CORIN: variants seen among roughly 807,000 people sequenced by gnomAD.
CORIN encodes atrial natriuretic peptide-converting enzyme.
CORIN carries 117 observed loss-of-function variants against 125.3 expected under a neutral mutation model. That is an observed-to-expected ratio of 0.93 (90% CI 0.80 to 1.09). CORIN has a LOEUF of 1.09. Among genes scored for constraint, CORIN ranks in the 50% least tolerant of loss-of-function variants. The pLI is 0.00. For synonymous variants in CORIN, 450 were observed against 466.4 expected, an observed-to-expected ratio of 0.96 and a Z score of 0.45; for missense variants, 1,253 against 1,306.7, an observed-to-expected ratio of 0.96 and a Z score of 0.63.
intron 4 of CORIN, among the ~76,000 whole-genome samples, chr4:47,747,340 A>T (rs549353649): frequency 6.6e-6 from 1 of 152,168 alleles, no homozygotes; most frequent in Non-Finnish European, 1.5e-5. Context: ...GGGGCAATGG[A>T]ATCTCTAACT....
At chr4:47,776,432 T>C (rs1182333912) in intron 3 of CORIN, among the ~76,000 whole-genome samples, 2 of 152,150 alleles carry the variant, frequency 1.3e-5, no homozygotes, top group Non-Finnish European at 2.9e-5. Flanking sequence ...AGGTCTCCAT[T>C]TCTTTCCCAC....
At position 47,821,548 on chromosome 4, in the gene CORIN, T is replaced by C. The variant is rs181429472; in HGVS notation, c.64-14501A>G. On this transcript the variant is annotated intron_variant, in intron 1 of 21. Coordinates refer to ENST00000273857, the MANE Select transcript of CORIN (RefSeq NM_006587.4). ...TCGGAGTTCAAGGTATTAAGAATTA[T>C]GTAACATTTTCTAAAATTATAAGAA... Among the ~76,000 whole-genome samples, 909 of 152,152 alleles carry C rather than the reference T, an allele frequency of 6.0e-3. 6 individuals are homozygous for C. Among genetic ancestry groups the C allele is most frequent in the African/African-American group, 0.02 (830 of 41,558 alleles).
In CORIN at chr4:47,683,730, C is replaced by G; in HGVS notation, c.1021+1G>C. The G allele has an allele frequency of 6.2e-7, 1 of 1,604,162 alleles. No individual in the cohort carries two copies. The stretch of plus-strand genomic sequence containing the variant: ...ACCTTTGGGGAAACAATGCTACTTA[C>G]CACAGTTTTGCTCATCACTCAAATC... On this transcript the variant is annotated splice_donor_variant, in intron 7 of 21. Coordinates refer to ENST00000273857, the MANE Select transcript of CORIN (RefSeq NM_006587.4). LOFTEE classifies it high-confidence loss of function.
chr4:47,776,304 G>A (rs1730296009), intron 3 of CORIN, among the ~76,000 whole-genome samples: 1 of 151,298 alleles, frequency 6.6e-6, no homozygotes, highest in South Asian at 2.1e-4. Context: ...GGGTTTTTTT[G>A]AGTCAAGGTC....
At chr4:47,665,002 A>T in intron 11 of CORIN, 30 bp downstream of exon 11, 1 of 1,495,254 alleles carries the variant, frequency 6.7e-7, no homozygotes, top group Non-Finnish European at 9.3e-7. Flanking sequence ...GAGGCAAAAT[A>T]AGGGACTGGG....
chr4:47,763,667 A>G, intron 3 of CORIN, 81 bp from the exon 4 acceptor site: 1 of 1,280,176 alleles, frequency 7.8e-7, no homozygotes, highest in South Asian at 1.3e-5. Flanking sequence ...TTTGTTTATA[A>G]GATAAAGTAT....
At chr4:47,705,548 G>T (rs1368550374) in intron 5 of CORIN, among the ~76,000 whole-genome samples, 1 of 152,178 alleles carries the variant, frequency 6.6e-6, no homozygotes, top group Non-Finnish European at 1.5e-5. Context: ...CCACAAGATA[G>T]AGAAACTAGG....
intron 9 of CORIN, among the ~76,000 whole-genome samples, 179 bp downstream of exon 9, chr4:47,677,759 A>G (rs565945154): frequency 1.3e-5 from 2 of 152,282 alleles, no homozygotes; most frequent in East Asian, 3.9e-4. Flanking sequence ...GTTGCTTGAG[A>G]ATTATGTTTA....
At chr4:47,701,571 G>C (rs1434132519) in intron 5 of CORIN, among the ~76,000 whole-genome samples, 1 of 152,118 alleles carries the variant, frequency 6.6e-6, no homozygotes, top group Non-Finnish European at 1.5e-5. Context: ...ACTTTGATAG[G>C]AGAGAGAATG....
chr4:47,620,607 G>A (rs965928303), intron 19 of CORIN, among the ~76,000 whole-genome samples: 1 of 152,194 alleles, frequency 6.6e-6, no homozygotes, highest in Non-Finnish European at 1.5e-5. Context: ...GTAAATGAGT[G>A]TGGGAGAATA....
intron 6 of CORIN, among the ~76,000 whole-genome samples, chr4:47,686,482 TC>T (rs1725522694): frequency 6.6e-6 from 1 of 152,082 alleles, no homozygotes; most frequent in African/African-American, 2.4e-5. Flanking sequence ...GGGCGCTATT[TC>T]CCCACCCTGC....
At chr4:47,609,126 C>T (rs1721771435) in intron 19 of CORIN, among the ~76,000 whole-genome samples, 1 of 152,108 alleles carries the variant, frequency 6.6e-6, no homozygotes. Flanking sequence ...CTGAAGGTTA[C>T]CAAATCTGCA....
rs1012987546 is a variant in CORIN at position 47,624,037 on chromosome 4, C to G, written c.2316-89G>C. The stretch of plus-strand genomic sequence containing the variant: ...TTTACCAGTGAAATACAAGACAGCT[C>G]CAACTGTTACCACCAGAAATCACAT... On this transcript the variant is annotated intron_variant, in intron 17 of 21. Transcript: ENST00000273857. The G allele has an allele frequency of 1.8e-5, 18 of 1,013,008 alleles. No homozygotes were observed. In the East Asian group the frequency reaches 4.1e-4, roughly 23 times the overall value. The allele number at this position is 1,013,008 out of a possible 1,614,324, so 62.8% of individuals were successfully genotyped here. A position where few individuals can be genotyped will look rare whatever the true frequency, so the allele number is the denominator to read the frequency against.
chr4:47,616,844 A>G (rs1359042461), intron 19 of CORIN, among the ~76,000 whole-genome samples: 3 of 152,218 alleles, frequency 2.0e-5, no homozygotes, highest in Non-Finnish European at 1.5e-5. Context: ...AAGACATGGC[A>G]TGGTTGCTGA....
intron 6 of CORIN, among the ~76,000 whole-genome samples, chr4:47,687,891 C>T (rs1050648609): frequency 1.3e-5 from 2 of 152,160 alleles, no homozygotes; most frequent in Admixed American, 1.3e-4. Flanking sequence ...TGGCTTCCAG[C>T]TCTAGAAAAG....
At position 47,675,712 on chromosome 4, in the gene CORIN, C is replaced by T. The variant is rs191168920; in HGVS notation, c.1250-1212G>A. Among the ~76,000 whole-genome samples, 6 of 152,188 alleles carry T rather than the reference C, an allele frequency of 3.9e-5. No homozygotes were observed. In the East Asian group the frequency reaches 1.2e-3, roughly 29 times the overall value. ...ACCTTCTGATGCTGTGTGATCACTGCTTTATGGAAGACATATTTATTTTTA... is the reference window on the plus strand; with the variant it reads ...ACCTTCTGATGCTGTGTGATCACTGTTTTATGGAAGACATATTTATTTTTA... On this transcript the variant is annotated intron_variant, in intron 9 of 21. Coordinates refer to ENST00000273857, the MANE Select transcript of CORIN (RefSeq NM_006587.4).
chr4:47,687,110 T>C (rs2109730112), intron 6 of CORIN, among the ~76,000 whole-genome samples: 1 of 152,356 alleles, frequency 6.6e-6, no homozygotes, highest in East Asian at 1.9e-4. Flanking sequence ...TCTACTATTA[T>C]AACTTGCTTG....
intron 2 of CORIN, among the ~76,000 whole-genome samples, chr4:47,791,918 G>A (rs9997487): frequency 0.036 from 5,470 of 152,132 alleles, 310 homozygotes; most frequent in African/African-American, 0.12. Flanking sequence ...TGAGGGAGAC[G>A]GGCAGGCAAT....
intron 2 of CORIN, among the ~76,000 whole-genome samples, chr4:47,793,810 A>G (rs1472799354): frequency 6.6e-6 from 1 of 152,202 alleles, no homozygotes; most frequent in Non-Finnish European, 1.5e-5. Flanking sequence ...ATAGAGGTAT[A>G]GGAATCATCT....
Sources: allele counts gnomAD v4.1 joint callset (sites outside exome capture counted in the v4.1 genomes callset), GRCh38; gene constraint gnomAD v4.1.1; transcripts MANE v1.5; gene names NCBI Gene and HGNC (gene_info 2026-07-23, HGNC 2026-07-21).